ERMP1: variants seen among roughly 807,000 people sequenced by gnomAD.
ERMP1 encodes Felix-ina.
In ERMP1, 86 loss-of-function variants were observed where a neutral mutation model predicts 92.0. The observed-to-expected ratio is 0.93, with a 90% confidence interval of 0.79 to 1.12. ERMP1 has a LOEUF of 1.12. ERMP1 is among the 50% of genes most tolerant of loss of function. The probability of loss-of-function intolerance (pLI) is 0.00; values close to 1 mark genes in which losing one functional copy is unlikely to be tolerated. For missense variants in ERMP1, 1,342 were observed against 1,116.3 expected (o/e 1.20, Z -2.88); for synonymous variants, 530 against 412.8 (o/e 1.28, Z -3.44).
chr9:5,799,202 T>A (rs1336068142), intron 11 of ERMP1, among the ~76,000 whole-genome samples, 194 bp from the exon 12 acceptor site: 2 of 152,220 alleles, frequency 1.3e-5, no homozygotes, highest in East Asian at 3.8e-4. Flanking sequence ...AGATTATTGT[T>A]TTATTGTATC....
rs747023400 is a variant in ERMP1, at chr9:5,805,738, C to G, written c.1596G>C (p.Leu532=). 1.2e-6 allele frequency: 2 copies of G among 1,611,344 alleles called. No individual in the cohort carries two copies. The highest frequency in any genetic ancestry group is 1.7e-5 in the Admixed American group (1 of 59,412). The change falls in exon 9 of 15, where the codon CTG becomes CTC. Residue 532 remains leucine, a synonymous_variant. Transcript: ENST00000339450. ...YLGEVFFDIS[L]FVHCCFLVTL... ...TAACAAGAAAACAGCAATGGACAAA[C>G]AGCGAAATGTCAAAAAATACTTCTC...
chr9:5,857,303 T>C lies in ERMP1; in HGVS notation n.3199+2165A>G, dbSNP rs1830389076. Among the ~76,000 whole-genome samples the C allele has an allele frequency of 2.0e-5, 3 of 152,210 alleles. No individual in the cohort carries two copies. The South Asian group carries it at 6.2e-4, about 32-fold the overall frequency. On this transcript the variant is annotated intron_variant and non_coding_transcript_variant, in intron 6 of 6. Coordinates refer to the ERMP1 transcript ENST00000690753. ...TCCCAAAGTGCTGGGATTACAGGCA[T>C]GAGCCACTGTGCATGGCCGAAATTT...
In ERMP1 at chr9:5,796,891, A is replaced by T. The variant is rs139496238; in HGVS notation, c.2386+926T>A. ...GGAACAACAGGCTTCGATTAATAAT[A>T]ATATATCAGTGTTAAAACTGGTGCA... On this transcript the variant is annotated intron_variant, in intron 13 of 14. Coordinates refer to ENST00000339450, the MANE Select transcript of ERMP1 (RefSeq NM_024896.3). Among the ~76,000 whole-genome samples the T allele has an allele frequency of 2.6e-5, 4 of 152,320 alleles. No homozygotes were observed. The East Asian group carries it at 5.8e-4, about 22-fold the overall frequency.
chr9:5,794,186 T>A (rs2131205921), intron 13 of ERMP1, among the ~76,000 whole-genome samples: 1 of 152,142 alleles, frequency 6.6e-6, no homozygotes, highest in Non-Finnish European at 1.5e-5. Context: ...CACTTCTACA[T>A]AACAAATGGG....
At chr9:5,795,478 C>T (rs1481376229) in intron 13 of ERMP1, among the ~76,000 whole-genome samples, 1 of 152,120 alleles carries the variant, frequency 6.6e-6, no homozygotes, top group African/African-American at 2.4e-5. Flanking sequence ...ATTGTCTATT[C>T]ATAGAATCTT....
chr9:5,788,843 C>T (rs187342538), intron 13 of ERMP1, among the ~76,000 whole-genome samples: 2 of 152,042 alleles, frequency 1.3e-5, no homozygotes, highest in Admixed American at 6.6e-5. Context: ...TTAAAAGGAC[C>T]GACTAGACTC....
At chr9:5,794,467 A>G (rs1828331787) in intron 13 of ERMP1, among the ~76,000 whole-genome samples, 1 of 152,092 alleles carries the variant, frequency 6.6e-6, no homozygotes, top group Non-Finnish European at 1.5e-5. Flanking sequence ...ATCAAAAGCT[A>G]GTTCTTAGAA....
chr9:5,832,988 G>T lies in ERMP1; in HGVS notation c.40C>A (p.Arg14Ser). The T allele has an allele frequency of 1.3e-6, 2 of 1,560,126 alleles. No homozygotes were observed. Among genetic ancestry groups the T allele is most frequent in the Non-Finnish European group, 1.7e-6 (2 of 1,164,128 alleles). ...CCCTCTCGACGCTCTACTCCGACGC[G>T]GTGCCGCCTCACAGCAGCCGACTCA... The part of the protein sequence containing the change: ...GSESAAVRRH[R>S]VGVERREGAA... The change falls in exon 1 of 15, where the codon CGC becomes AGC. Residue 14 changes from arginine to serine, a missense_variant. Physicochemically the swap from Arg to Ser is moderately radical, Grantham distance 110 (BLOSUM62 -1). Transcript: ENST00000339450.
At chr9:5,859,071 C>T (rs1424149751) in intron 6 of ERMP1, among the ~76,000 whole-genome samples, 1 of 152,208 alleles carries the variant, frequency 6.6e-6, no homozygotes, top group East Asian at 1.9e-4. Context: ...TTCCAAACAT[C>T]ACGGCTAGCA....
intron 6 of ERMP1, among the ~76,000 whole-genome samples, chr9:5,842,452 AAAG>A (rs1830178673): frequency 3.1e-5 from 2 of 63,892 alleles, no homozygotes; most frequent in Non-Finnish European, 8.2e-5. Context: ...AAAAAAAAAG[AAAG>A]AAAAGAAAAA....
At chr9:5,814,328 T>C (rs532093817) in intron 4 of ERMP1, among the ~76,000 whole-genome samples, 14 of 152,186 alleles carry the variant, frequency 9.2e-5, no homozygotes, top group Non-Finnish European at 2.1e-4. Context: ...TTTGGGGTTG[T>C]TACCACAAAA....
At chr9:5,792,252 A>G (rs1828228567) in intron 13 of ERMP1, among the ~76,000 whole-genome samples, 2 of 152,222 alleles carry the variant, frequency 1.3e-5, no homozygotes, top group Admixed American at 1.3e-4. Context: ...AAATCCATCA[A>G]AAGTTTTTTA....
chr9:5,852,577 T>C (rs4098773), intron 6 of ERMP1, among the ~76,000 whole-genome samples: 145,266 of 151,746 alleles, frequency 0.96, 69,757 homozygotes, highest in East Asian at 1. Context: ...ATTTTTTATG[T>C]GCTCAAATAC....
chr9:5,791,112 GA>G, intron 13 of ERMP1: 1 of 405,940 alleles, frequency 2.5e-6, no homozygotes, highest in South Asian at 1.8e-5. Context: ...ACAGCTGCAG[GA>G]ACAGTTGAAG....
chr9:5,834,850 A>G (rs1830067796), upstream of ERMP1, among the ~76,000 whole-genome samples: 2 of 151,864 alleles, frequency 1.3e-5, no homozygotes, highest in African/African-American at 4.8e-5. Flanking sequence ...TTTAGTACAC[A>G]TGGCATTATT....
chr9:5,811,405 C>A (rs76915218), intron 6 of ERMP1, 82 bp from the exon 7 acceptor site: 20,029 of 993,336 alleles, frequency 0.02, 287 homozygotes, highest in African/African-American at 0.026. Flanking sequence ...TTACACATAC[C>A]ACTATTTAAA....
chr9:5,804,616 C>G (rs1391204637), intron 10 of ERMP1, among the ~76,000 whole-genome samples: 1 of 152,174 alleles, frequency 6.6e-6, no homozygotes, highest in Non-Finnish European at 1.5e-5. Context: ...CCTTCACTAG[C>G]TCTAAAAGCA....
chr9:5,794,907 C>G (rs1828353157), intron 13 of ERMP1, among the ~76,000 whole-genome samples: 1 of 152,176 alleles, frequency 6.6e-6, no homozygotes, highest in Non-Finnish European at 1.5e-5. Context: ...TCCTATGAGT[C>G]CAGCATTATC....
chr9:5,851,892 G>A (rs78282772), intron 6 of ERMP1, among the ~76,000 whole-genome samples: 2,428 of 152,176 alleles, frequency 0.016, 75 homozygotes, highest in East Asian at 0.13. Flanking sequence ...TAAAAGCTTG[G>A]AGAGATTTTG....
Sources: gnomAD v4.1 joint callset for allele counts (sites outside exome capture counted in the v4.1 genomes callset) on GRCh38, gnomAD v4.1.1 for gene constraint, MANE v1.5 for transcripts, NCBI Gene and HGNC (gene_info 2026-07-23, HGNC 2026-07-21) for gene names.